The following PROM1 variants were observed in gnomAD, a reference collection of about 807,000 sequenced individuals.
PROM1 encodes the protein prominin-1.
A neutral mutation model predicts 116.9 loss-of-function variants in PROM1; 105 were observed. That is an observed-to-expected ratio of 0.90 (90% CI 0.77 to 1.06). The LOEUF (loss-of-function observed/expected upper bound fraction) is 1.06. PROM1 is among the 50% of genes least tolerant of loss of function. PROM1 has a pLI of 0.00. For synonymous variants in PROM1, 393 were observed against 387.0 expected, an observed-to-expected ratio of 1.02 and a Z score of -0.18; for missense variants, 1,122 against 1,045.2, an observed-to-expected ratio of 1.07 and a Z score of -1.01.
Position 16,000,754 on chromosome 4 carries a change from C to T in PROM1, c.1455-135G>A, listed in dbSNP as rs983006238. The T allele has an allele frequency of 2.6e-5, 19 of 735,308 alleles. No homozygotes were observed. The Admixed American group carries it at 6.2e-4, about 24-fold the overall frequency. The allele number at this position is 735,308 out of a possible 1,614,324, so 45.5% of individuals were successfully genotyped here. On this transcript the variant is annotated intron_variant, in intron 13 of 27. Transcript: ENST00000447510. Reference sequence around the variant, plus strand: ...TTATTCAGGTGAAACAGATCATCCACCTAGGAGTGACACAGGGCTTGGGGA... The same window carrying T: ...TTATTCAGGTGAAACAGATCATCCATCTAGGAGTGACACAGGGCTTGGGGA...
chr4:16,078,607 G>C (rs2149601017), intron 1 of PROM1, among the ~76,000 whole-genome samples: 1 of 152,330 alleles, frequency 6.6e-6, no homozygotes, highest in Middle Eastern at 3.4e-3. Context: ...GCAAGCTGCT[G>C]TCACTTTGTG....
chr4:16,018,170 G>A, intron 9 of PROM1, 153 bp downstream of exon 9: 1 of 668,626 alleles, frequency 1.5e-6, no homozygotes, highest in Non-Finnish European at 2.6e-6. Flanking sequence ...ATTCCAATAT[G>A]GTGATCAAAT....
intron 5 of PROM1, among the ~76,000 whole-genome samples, chr4:16,030,510 A>G (rs913730483): frequency 5.3e-5 from 8 of 152,220 alleles, no homozygotes; most frequent in African/African-American, 1.2e-4. Context: ...CTAAATTAAA[A>G]TATACTTAGA....
intron 2 of PROM1, among the ~76,000 whole-genome samples, chr4:16,048,610 AG>A (rs1454674594): frequency 6.6e-6 from 1 of 151,980 alleles, no homozygotes; most frequent in African/African-American, 2.4e-5. Context: ...GAACACCTTT[AG>A]GGTACTTTTT....
At chr4:16,049,934 T>C (rs1383889004) in intron 2 of PROM1, among the ~76,000 whole-genome samples, 3 of 152,058 alleles carry the variant, frequency 2.0e-5, no homozygotes, top group Non-Finnish European at 4.4e-5. Flanking sequence ...AAGCATCCAT[T>C]ATTTCACTAT....
rs1300893098 is a variant in PROM1, at chr4:15,995,317, AAAGAAGAAGAAGACGAAGAAGACG to A, written c.1683-1270_1683-1247del. Among the ~76,000 whole-genome samples, 12 of 141,956 alleles carry A rather than the reference AAAGAAGAAGAAGACGAAGAAGACG, an allele frequency of 8.5e-5. No homozygotes were observed. The South Asian group carries it at 2.5e-3, about 29-fold the overall frequency. 93.1% of individuals were successfully genotyped at this position (141,956 alleles called of 152,430 possible). Reference sequence around the variant, plus strand: ...GTTGGAAGGAGAGAGAGAGAGAGAAAAAGAAGAAGAAGACGAAGAAGACGAAGAAGAAGAAGGAGGAGGAGGAGG... The same window carrying A: ...GTTGGAAGGAGAGAGAGAGAGAGAAAAAGAAGAAGAAGGAGGAGGAGGAGG... On this transcript the variant is annotated intron_variant, in intron 15 of 27. Coordinates refer to ENST00000447510, the MANE Select transcript of PROM1 (RefSeq NM_006017.3).
At position 15,992,288 on chromosome 4, in the gene PROM1, C is replaced by T. The variant is rs886059200; in HGVS notation, c.1871G>A (p.Cys624Tyr). 1.2e-6 allele frequency: 2 copies of T among 1,613,948 alleles called. No individual in the cohort carries two copies. The highest frequency in any genetic ancestry group is 1.7e-6 in the Non-Finnish European group (2 of 1,179,870). The stretch of plus-strand genomic sequence containing the variant: ...GTCATAATTCATTCTGTCTATTCCA[C>T]AAGCAGCAAAATCCTGAAGGTTTTT... ...GRKNLQDFAA[C>Y]GIDRMNYDSY... is the part of the protein sequence containing the mutation. The change falls in exon 17 of 28, where the codon TGT becomes TAT. Residue 624 changes from cysteine to tyrosine, a missense_variant. Cys to Tyr is a radical substitution (Grantham distance 194, BLOSUM62 -2). Transcript: ENST00000447510.
chr4:15,993,262 ATTCT>A (rs1721508421), intron 16 of PROM1, among the ~76,000 whole-genome samples: 1 of 152,174 alleles, frequency 6.6e-6, no homozygotes, highest in East Asian at 1.9e-4. Flanking sequence ...TTCTGCTCTC[ATTCT>A]GGAAACCCAA....
At chr4:16,034,149 T>C (rs1017283181) in intron 4 of PROM1, among the ~76,000 whole-genome samples, 21 of 152,134 alleles carry the variant, frequency 1.4e-4, no homozygotes, top group African/African-American at 4.6e-4. Flanking sequence ...ACAATCTACA[T>C]ATAAGGCGCT....
At chr4:16,055,334 C>T (rs191985249) in intron 2 of PROM1, 11 of 454,780 alleles carry the variant, frequency 2.4e-5, no homozygotes, top group Non-Finnish European at 3.5e-5. Flanking sequence ...CTGAGATAAC[C>T]TCCCAGGCAA....
intron 26 of PROM1, chr4:15,971,416 G>A (rs780413617): frequency 1.4e-5 from 3 of 218,124 alleles, no homozygotes; most frequent in Non-Finnish European, 2.7e-5. Flanking sequence ...CAGTACACAT[G>A]TCTACCACAA....
chr4:16,015,364 A>AAG (rs1728072470), intron 10 of PROM1, among the ~76,000 whole-genome samples: 1 of 148,778 alleles, frequency 6.7e-6, no homozygotes, highest in African/African-American at 2.5e-5. Flanking sequence ...AAAAAAAAAA[A>AAG]AAGAAGAAGA....
chr4:16,065,186 A>G (rs1185765929), intron 2 of PROM1, among the ~76,000 whole-genome samples: 2 of 152,168 alleles, frequency 1.3e-5, no homozygotes, highest in African/African-American at 4.8e-5. Flanking sequence ...TGACGGCATG[A>G]CATTCCAGAG....
rs762673329 is a variant in PROM1, at chr4:16,006,584, T to C, written c.1408A>G (p.Thr470Ala). The C allele has an allele frequency of 1.2e-6, 2 of 1,604,398 alleles. No homozygotes were observed. The highest frequency in any genetic ancestry group is 2.7e-5 in the African/African-American group (2 of 74,694). Residue 470 changes from threonine to alanine, a missense_variant, in exon 13 of 28, where the codon ACC (threonine) becomes GCC (alanine). Coordinates refer to ENST00000447510, the MANE Select transcript of PROM1 (RefSeq NM_006017.3). ...GTGTTGGAGACACAGCCTCGGGTGG[T>C]CGGGGTGGCATGCCTGTCATAGCCG... is the stretch of plus-strand genomic sequence containing the variant. ...VCGYDRHATP[T>A]TRGCVSNTGG...
At chr4:16,081,225 G>T (rs1446212546) in intron 1 of PROM1, among the ~76,000 whole-genome samples, 1 of 151,922 alleles carries the variant, frequency 6.6e-6, no homozygotes, top group Admixed American at 6.6e-5. Context: ...CCCGCCACCT[G>T]ACAACAGGCC....
At chr4:16,082,104 C>A (rs778760388) in intron 1 of PROM1, 6 of 152,130 alleles carry the variant, frequency 3.9e-5, no homozygotes, top group Non-Finnish European at 7.3e-5. Flanking sequence ...AGGTAAAGCA[C>A]CTGGCACGCA....
At chr4:15,980,191 G>A (rs1717394097) in intron 24 of PROM1, 3 of 613,974 alleles carry the variant, frequency 4.9e-6, no homozygotes, top group Non-Finnish European at 8.6e-6. Flanking sequence ...AAAAAGGCTG[G>A]TTAGGGAAGC....
At chr4:16,039,137 C>G (rs1239393522) in intron 2 of PROM1, 136 bp from the exon 3 acceptor site, 3 of 713,402 alleles carry the variant, frequency 4.2e-6, no homozygotes, top group Non-Finnish European at 5.8e-6. Flanking sequence ...ATTCTTATTT[C>G]TTAATGTAGG....
At chr4:16,039,636 G>A (rs1296926656) in intron 2 of PROM1, among the ~76,000 whole-genome samples, 1 of 151,750 alleles carries the variant, frequency 6.6e-6, no homozygotes, top group Non-Finnish European at 1.5e-5. Context: ...TACTTGGGAG[G>A]CTGAGATGGG....
Sources: allele counts gnomAD v4.1 joint callset (sites outside exome capture counted in the v4.1 genomes callset), GRCh38; gene constraint gnomAD v4.1.1; transcripts MANE v1.5; gene names NCBI Gene and HGNC (gene_info 2026-07-23, HGNC 2026-07-21).